NLGN1: variants seen among roughly 807,000 people sequenced by gnomAD.
NLGN1 encodes neuroligin 1.
Under a neutral mutation model 65.5 loss-of-function variants are expected in NLGN1, and 12 were observed. That is an observed-to-expected ratio of 0.18 (90% CI 0.12 to 0.30). NLGN1 has a LOEUF of 0.30. Ranked by LOEUF, NLGN1 falls within the 10% of genes least tolerant of loss-of-function variation. NLGN1 has a pLI of 1.00. For missense variants in NLGN1, 750 were observed against 1,007.1 expected (o/e 0.74, Z 3.46); for synonymous variants, 350 against 359.5 (o/e 0.97, Z 0.30).
chr3:174,226,765 T>C (rs1739794643), intron 4 of NLGN1, among the ~76,000 whole-genome samples: 1 of 152,202 alleles, frequency 6.6e-6, no homozygotes, highest in African/African-American at 2.4e-5. Context: ...TTTTTAAAAA[T>C]GACTTGCTGA....
In NLGN1 at chr3:173,719,370, C is replaced by G. The variant is rs79838213; in HGVS notation, c.494-88310C>G. Among the ~76,000 whole-genome samples, 1,420 of 152,264 alleles carry G rather than the reference C, an allele frequency of 9.3e-3. 25 individuals carry two copies. The highest frequency in any genetic ancestry group is 0.032 in the African/African-American group (1,346 of 41,538). ...AGTACCTTCTTTCCTGCCCTAAGCT[C>G]TAGACCTTCCTTTTGTCAATTTTTT... On this transcript the variant is annotated intron_variant, in intron 3 of 6. Transcript: ENST00000457714.
intron 4 of NLGN1, among the ~76,000 whole-genome samples, chr3:174,199,341 G>A (rs1041535411): frequency 3.3e-5 from 5 of 151,370 alleles, no homozygotes; most frequent in Non-Finnish European, 7.4e-5. Flanking sequence ...GACAATGTTC[G>A]ATTCATTTTA....
intron 4 of NLGN1, among the ~76,000 whole-genome samples, chr3:173,825,369 A>G (rs886083298): frequency 2.6e-4 from 27 of 102,080 alleles, no homozygotes; most frequent in African/African-American, 8.3e-4. Flanking sequence ...TGCATATTTA[A>G]TAATTCTTAG....
chr3:173,841,335 A>G (rs936195944), intron 4 of NLGN1, among the ~76,000 whole-genome samples: 1 of 152,198 alleles, frequency 6.6e-6, no homozygotes. Flanking sequence ...TTTCTCTATT[A>G]GGCATCTTTG....
intron 3 of NLGN1, among the ~76,000 whole-genome samples, chr3:173,688,677 A>G (rs1299808332): frequency 1.3e-5 from 2 of 152,230 alleles, no homozygotes; most frequent in African/African-American, 4.8e-5. Context: ...TGGATGTATA[A>G]GAAAACTAAT....
chr3:173,409,450 C>A (rs1712042758), intron 1 of NLGN1, among the ~76,000 whole-genome samples: 1 of 152,032 alleles, frequency 6.6e-6, no homozygotes, highest in Non-Finnish European at 1.5e-5. Flanking sequence ...GTGTCACTGG[C>A]CCCTAGAAAA....
chr3:173,473,569 G>A (rs1410147733), intron 2 of NLGN1, among the ~76,000 whole-genome samples: 1 of 152,040 alleles, frequency 6.6e-6, no homozygotes, highest in Admixed American at 6.6e-5. Context: ...TGTGCTTTGG[G>A]TAGTACTCTT....
At chr3:174,158,332 G>A (rs576066245) in intron 4 of NLGN1, among the ~76,000 whole-genome samples, 73 of 151,750 alleles carry the variant, frequency 4.8e-4, no homozygotes, top group Non-Finnish European at 9.0e-4. Context: ...TGCCCACTAC[G>A]TATCTGAAAC....
At chr3:173,415,567 G>A (rs1402533492) in intron 1 of NLGN1, among the ~76,000 whole-genome samples, 2 of 133,300 alleles carry the variant, frequency 1.5e-5, no homozygotes, top group African/African-American at 5.8e-5. Flanking sequence ...GTGCAACCTG[G>A]CTTTCAGTGT....
intron 4 of NLGN1, among the ~76,000 whole-genome samples, chr3:174,121,518 A>G (rs1717772681): frequency 6.6e-6 from 1 of 152,216 alleles, no homozygotes; most frequent in Non-Finnish European, 1.5e-5. Context: ...GTAATCAGCA[A>G]TTCTGGCTTG....
At chr3:173,864,775 T>G (rs1301404354) in intron 4 of NLGN1, among the ~76,000 whole-genome samples, 1 of 152,218 alleles carries the variant, frequency 6.6e-6, no homozygotes, top group African/African-American at 2.4e-5. Context: ...CATTGGCATA[T>G]GCATCTCCTT....
At chr3:174,263,788 T>A (rs62291793) in intron 4 of NLGN1, among the ~76,000 whole-genome samples, 24,274 of 151,682 alleles carry the variant, frequency 0.16, 2,241 homozygotes, top group East Asian at 0.49. Flanking sequence ...TTGATGGTCT[T>A]TACATTTTGG....
chr3:174,114,383 C>T (rs1357079142), intron 4 of NLGN1, among the ~76,000 whole-genome samples: 2 of 152,110 alleles, frequency 1.3e-5, no homozygotes, highest in Non-Finnish European at 2.9e-5. Flanking sequence ...GTGAGTGAAG[C>T]TGTAAAAATG....
At chr3:173,636,715 C>G (rs1314904092) in intron 3 of NLGN1, among the ~76,000 whole-genome samples, 1 of 152,014 alleles carries the variant, frequency 6.6e-6, no homozygotes, top group Non-Finnish European at 1.5e-5. Flanking sequence ...GGATTTTTAA[C>G]TTGAAACAAC....
intron 3 of NLGN1, among the ~76,000 whole-genome samples, chr3:173,661,763 T>C (rs1760960393): frequency 6.6e-6 from 1 of 151,994 alleles, no homozygotes; most frequent in African/African-American, 2.4e-5. Context: ...AATCTGGCAT[T>C]TTGGGCCACT....
At chr3:173,700,021 C>G (rs1194227580) in intron 3 of NLGN1, among the ~76,000 whole-genome samples, 1 of 152,144 alleles carries the variant, frequency 6.6e-6, no homozygotes, top group Non-Finnish European at 1.5e-5. Flanking sequence ...TACATTCTTC[C>G]CATCACAAGG....
chr3:174,171,123 T>G (rs562741347), intron 4 of NLGN1, among the ~76,000 whole-genome samples: 1 of 152,146 alleles, frequency 6.6e-6, no homozygotes, highest in Non-Finnish European at 1.5e-5. Context: ...TTTTAAGAAA[T>G]CAGTTTCAAA....
intron 4 of NLGN1, among the ~76,000 whole-genome samples, chr3:174,020,514 G>A (rs957065660): frequency 8.6e-5 from 13 of 151,932 alleles, no homozygotes; most frequent in African/African-American, 2.9e-4. Context: ...TGATGTCTAG[G>A]TCTTGATGTA....
At chr3:173,797,500 A>C (rs1448753717) in intron 3 of NLGN1, among the ~76,000 whole-genome samples, 1 of 152,086 alleles carries the variant, frequency 6.6e-6, no homozygotes, top group Non-Finnish European at 1.5e-5. Flanking sequence ...CCTCCAGGAT[A>C]ATCATATCCC....
Sources: gnomAD v4.1 joint callset for allele counts (sites outside exome capture counted in the v4.1 genomes callset) on GRCh38, gnomAD v4.1.1 for gene constraint, MANE v1.5 for transcripts, NCBI Gene and HGNC (gene_info 2026-07-23, HGNC 2026-07-21) for gene names.